The following ASTN2 variants were observed in gnomAD, a reference collection of about 807,000 sequenced individuals.
The protein encoded by ASTN2 is astrotactin-2.
ASTN2 carries 54 observed loss-of-function variants against 139.8 expected under a neutral mutation model. The observed-to-expected ratio is 0.39, with a 90% CI of 0.31 to 0.48. ASTN2 has a LOEUF of 0.48. Ranked by LOEUF, ASTN2 falls within the 20% of genes least tolerant of loss-of-function variation. The pLI is 0.95. For synonymous variants in ASTN2, 756 were observed against 719.5 expected (o/e 1.05, Z -0.81); for missense variants, 1,565 against 1,725.1 (o/e 0.91, Z 1.64).
rs1830618478 is a variant in ASTN2 at position 116,793,842 on chromosome 9, T to C, written c.2396+11790A>G. 2.0e-5 allele frequency among the ~76,000 whole-genome samples: 3 copies of C among 152,154 alleles called. No homozygotes were observed. In the South Asian group the frequency reaches 6.2e-4, roughly 31 times the overall value. ...GAAGCACTGGCATAATTCATGTGTA[T>C]TGAGTTCTGACTTTAAGCAGATATA... On this transcript the variant is annotated intron_variant, in intron 13 of 22. Coordinates refer to ENST00000313400, the MANE Select transcript of ASTN2 (RefSeq NM_001365068.1).
At position 116,618,316 on chromosome 9, in the gene ASTN2, G is replaced by C; in HGVS notation, c.3355+8C>G. 1 of 1,611,152 alleles carries C rather than the reference G, an allele frequency of 6.2e-7. No homozygotes were observed. Among genetic ancestry groups the C allele is most frequent in the Non-Finnish European group, 8.5e-7 (1 of 1,178,986 alleles). On this transcript the variant is annotated splice_region_variant and intron_variant, in intron 19 of 22. Coordinates refer to ENST00000313400, the MANE Select transcript of ASTN2 (RefSeq NM_001365068.1). Reference sequence around the variant, plus strand: ...CTATCCCAAGAAAATGGGAACTCATGTACCTACCTGTGTACAGGTCAGTGT... The same window carrying C: ...CTATCCCAAGAAAATGGGAACTCATCTACCTACCTGTGTACAGGTCAGTGT...
intron 2 of ASTN2, among the ~76,000 whole-genome samples, chr9:117,256,908 T>C (rs1833701776): frequency 6.6e-6 from 1 of 152,024 alleles, no homozygotes. Flanking sequence ...AAGAAATTGT[T>C]AAAGACACAG....
chr9:117,174,615 C>T (rs568146224), intron 3 of ASTN2, among the ~76,000 whole-genome samples: 6 of 150,414 alleles, frequency 4.0e-5, no homozygotes, highest in African/African-American at 1.5e-4. Context: ...TGGAACTTAA[C>T]AAAGATGTTA....
intron 19 of ASTN2, among the ~76,000 whole-genome samples, chr9:116,565,752 G>A (rs561112886): frequency 6.6e-6 from 1 of 151,948 alleles, no homozygotes; most frequent in Non-Finnish European, 1.5e-5. Flanking sequence ...CAAAGGGCTG[G>A]GATTACAGGC....
chr9:116,483,634 A>C (rs1266883857), intron 20 of ASTN2, among the ~76,000 whole-genome samples: 2 of 152,230 alleles, frequency 1.3e-5, no homozygotes, highest in Non-Finnish European at 2.9e-5. Flanking sequence ...GAAAATACTT[A>C]CACAGAGAGG....
At chr9:117,249,645 A>C (rs1358600172) in intron 2 of ASTN2, among the ~76,000 whole-genome samples, 1 of 151,704 alleles carries the variant, frequency 6.6e-6, no homozygotes, top group African/African-American at 2.4e-5. Context: ...GCACCCCCAC[A>C]GATCCCTCAG....
chr9:117,220,180 C>A (rs1407767927), intron 2 of ASTN2, among the ~76,000 whole-genome samples: 1 of 152,154 alleles, frequency 6.6e-6, no homozygotes, highest in Non-Finnish European at 1.5e-5. Context: ...AATCCTTTCA[C>A]CCCAGTTCCC....
chr9:116,608,640 T>C (rs1300909202), intron 19 of ASTN2, among the ~76,000 whole-genome samples: 2 of 152,202 alleles, frequency 1.3e-5, no homozygotes, highest in Non-Finnish European at 2.9e-5. Context: ...ACAAAATATT[T>C]TGAACAAAAG....
At chr9:116,533,080 C>G in intron 19 of ASTN2, among the ~76,000 whole-genome samples, 1 of 152,112 alleles carries the variant, frequency 6.6e-6, no homozygotes, top group East Asian at 1.9e-4. Context: ...CTTCACATCC[C>G]TTGTAAGTTG....
rs191540976 is a variant in ASTN2, at chr9:117,084,166, G to A, written c.1276+11878C>T. 1.2e-4 allele frequency among the ~76,000 whole-genome samples: 18 copies of A among 152,154 alleles called. No individual in the cohort carries two copies. The East Asian group carries it at 3.1e-3, about 26-fold the overall frequency. ...ATAATTTTCTCTTCTCTAATGTCTC[G>A]TTAAATAGGGCCAAATGCAGATGTA... is the stretch of plus-strand genomic sequence containing the variant. On this transcript the variant is annotated intron_variant, in intron 5 of 22. Coordinates refer to ENST00000313400, the MANE Select transcript of ASTN2 (RefSeq NM_001365068.1).
chr9:117,256,091 G>C (rs1017452843), intron 2 of ASTN2, among the ~76,000 whole-genome samples: 1 of 152,178 alleles, frequency 6.6e-6, no homozygotes, highest in Non-Finnish European at 1.5e-5. Flanking sequence ...CTCACACCAA[G>C]CCTGCAAGTT....
At chr9:116,577,538 A>T (rs1564129376) in intron 19 of ASTN2, among the ~76,000 whole-genome samples, 1 of 107,354 alleles carries the variant, frequency 9.3e-6, no homozygotes, top group Non-Finnish European at 2.0e-5. Context: ...TCTCAAAAAA[A>T]AAAGAAAAAG....
chr9:116,817,417 T>G (rs547768862), intron 12 of ASTN2, among the ~76,000 whole-genome samples: 2 of 152,182 alleles, frequency 1.3e-5, no homozygotes, highest in South Asian at 4.1e-4. Context: ...ATGCCTGAAT[T>G]GAAACTTGGA....
At position 116,425,326 on chromosome 9, in the gene ASTN2, T is replaced by C. The variant is rs749890283; in HGVS notation, c.*525A>G. On this transcript the variant is annotated 3_prime_UTR_variant, in exon 23 of 23. Transcript: ENST00000313400. ...AGGCAGGGTCCCACAAACTCAATAA[T>C]GTCCAGCAAAAAAGAGAGAGAAGTC... 1.9e-5 allele frequency: 10 copies of C among 521,994 alleles called. No homozygotes were observed. Among genetic ancestry groups the C allele is most frequent in the Admixed American group, 3.8e-5 (1 of 26,154 alleles). The allele number at this position is 521,994 out of a possible 1,614,324, so 32.3% of individuals were successfully genotyped here. A position where few individuals can be genotyped will look rare whatever the true frequency, so the allele number is the denominator to read the frequency against.
At chr9:116,440,875 A>T in intron 21 of ASTN2, 83 bp from the exon 22 acceptor site, 2 of 1,395,410 alleles carry the variant, frequency 1.4e-6, no homozygotes, top group Non-Finnish European at 2.0e-6. Context: ...TAAGAAAGGC[A>T]CAGTGGTGAG....
intron 19 of ASTN2, among the ~76,000 whole-genome samples, chr9:116,509,568 A>C (rs1587907450): frequency 2.0e-5 from 3 of 152,146 alleles, no homozygotes; most frequent in South Asian, 2.1e-4. Context: ...GTTCTAGATC[A>C]CTGAGGAATC....
At chr9:116,774,285 T>G (rs1358851137) in intron 13 of ASTN2, among the ~76,000 whole-genome samples, 1 of 152,118 alleles carries the variant, frequency 6.6e-6, no homozygotes, top group African/African-American at 2.4e-5. Context: ...CCAAGGTTAC[T>G]CAATGGAAGA....
intron 6 of ASTN2, among the ~76,000 whole-genome samples, chr9:117,016,900 A>G (rs181169711): frequency 1.2e-4 from 18 of 150,962 alleles, no homozygotes; most frequent in Admixed American, 8.0e-4. Context: ...GCTGTGCCCA[A>G]ATTTGCTCCA....
intron 11 of ASTN2, among the ~76,000 whole-genome samples, chr9:116,857,321 T>C (rs10817943): frequency 0.33 from 50,238 of 152,036 alleles, 8,644 homozygotes; most frequent in African/African-American, 0.42. Context: ...TTCTCTCGTA[T>C]GACCACTCTT....
Sources: gnomAD v4.1 joint callset for allele counts (sites outside exome capture counted in the v4.1 genomes callset) on GRCh38, gnomAD v4.1.1 for gene constraint, MANE v1.5 for transcripts, NCBI Gene and HGNC (gene_info 2026-07-23, HGNC 2026-07-21) for gene names.